The following EXOC6B variants were observed in gnomAD, a reference collection of about 807,000 sequenced individuals.
The protein encoded by EXOC6B is SEC15 homolog B.
EXOC6B carries 54 observed loss-of-function variants against 113.5 expected under a neutral mutation model. The ratio of observed to expected loss-of-function variants is 0.48; its 90% CI spans 0.38 to 0.60. The LOEUF is 0.60. Ranked by LOEUF, EXOC6B falls within the 20% of genes least tolerant of loss-of-function variation. The pLI, the probability that EXOC6B is intolerant of heterozygous loss-of-function variation, is 0.00. For missense variants in EXOC6B, 797 were observed against 977.5 expected (o/e 0.82, Z 2.46); for synonymous variants, 357 against 339.0 (o/e 1.05, Z -0.58).
chr2:72,815,040 G>A (rs531387700), intron 1 of EXOC6B, among the ~76,000 whole-genome samples: 1 of 152,298 alleles, frequency 6.6e-6, no homozygotes, highest in South Asian at 2.1e-4. Flanking sequence ...ACCTCTTTAT[G>A]ACTAAAATAA....
chr2:72,540,532 G>A (rs75082021), intron 8 of EXOC6B, among the ~76,000 whole-genome samples: 1,714 of 151,978 alleles, frequency 0.011, 46 homozygotes, highest in African/African-American at 0.04. Context: ...GTGCATTCCC[G>A]AGAATAGGAT....
chr2:72,525,563 A>G (rs1013361408), intron 8 of EXOC6B, among the ~76,000 whole-genome samples: 2 of 152,198 alleles, frequency 1.3e-5, no homozygotes, highest in Non-Finnish European at 2.9e-5. Context: ...TTTGGATTTC[A>G]CTTTTAAGAT....
chr2:72,604,219 T>C (rs530334314), intron 6 of EXOC6B, among the ~76,000 whole-genome samples: 1 of 152,278 alleles, frequency 6.6e-6, no homozygotes, highest in South Asian at 2.1e-4. Flanking sequence ...GAAATAAATC[T>C]CATACATGCC....
At chr2:72,582,322 G>A (rs1705275108) in intron 6 of EXOC6B, among the ~76,000 whole-genome samples, 2 of 151,812 alleles carry the variant, frequency 1.3e-5, no homozygotes, top group African/African-American at 4.8e-5. Context: ...GACCAGCCTG[G>A]GCAACATGGA....
intron 1 of EXOC6B, among the ~76,000 whole-genome samples, chr2:72,764,609 T>A (rs1433074019): frequency 3.3e-5 from 5 of 152,016 alleles, no homozygotes; most frequent in Non-Finnish European, 7.4e-5. Flanking sequence ...GCTCAACCAA[T>A]CCTGCCTCAG....
chr2:72,357,083 T>C (rs758846645), intron 19 of EXOC6B, among the ~76,000 whole-genome samples: 1 of 152,204 alleles, frequency 6.6e-6, no homozygotes, highest in Non-Finnish European at 1.5e-5. Flanking sequence ...TGTTGACTTC[T>C]GGAATTCTCT....
At chr2:72,593,256 T>C (rs1706089666) in intron 6 of EXOC6B, among the ~76,000 whole-genome samples, 1 of 152,128 alleles carries the variant, frequency 6.6e-6, no homozygotes, top group Non-Finnish European at 1.5e-5. Context: ...AAAGTATTTC[T>C]CTGAGTTCTG....
chr2:72,480,284 A>G (rs565375743), intron 17 of EXOC6B, among the ~76,000 whole-genome samples: 4 of 152,278 alleles, frequency 2.6e-5, no homozygotes, highest in Non-Finnish European at 5.9e-5. Flanking sequence ...AATGTCAGCC[A>G]TAACTATGAT....
At chr2:72,766,660 A>G (rs995831263) in intron 1 of EXOC6B, among the ~76,000 whole-genome samples, 7 of 152,114 alleles carry the variant, frequency 4.6e-5, no homozygotes, top group African/African-American at 1.4e-4. Flanking sequence ...CAATTGAAAA[A>G]ATCCACATTG....
chr2:72,407,804 C>A (rs1168553736), intron 18 of EXOC6B, among the ~76,000 whole-genome samples: 1 of 152,160 alleles, frequency 6.6e-6, no homozygotes, highest in Non-Finnish European at 1.5e-5. Flanking sequence ...AAAACTGGCA[C>A]AAGACAGGGA....
chr2:72,765,643 A>G (rs1683014441), intron 1 of EXOC6B, among the ~76,000 whole-genome samples: 1 of 152,226 alleles, frequency 6.6e-6, no homozygotes, highest in African/African-American at 2.4e-5. Context: ...ATTGCACTCC[A>G]GCATGGGTGA....
intron 6 of EXOC6B, among the ~76,000 whole-genome samples, chr2:72,677,760 C>G (rs1345446085): frequency 1.3e-5 from 2 of 152,188 alleles, no homozygotes; most frequent in Non-Finnish European, 2.9e-5. Context: ...TAAAAGAGTA[C>G]TCAACAGTGC....
In EXOC6B at chr2:72,373,350, TG is replaced by T. The variant is rs372442526; in HGVS notation, c.2122+6378del. Among the ~76,000 whole-genome samples, 817 of 152,218 alleles carry T rather than the reference TG, an allele frequency of 5.4e-3. 8 individuals carry two copies. The highest frequency in any genetic ancestry group is 0.019 in the African/African-American group (783 of 41,556). ...GATTATAGGCATGAGCCACCGTGCC[TG>T]GCCTGGGCAGACATTTCTTAATTAA... On this transcript the variant is annotated intron_variant, in intron 19 of 21. Transcript: ENST00000272427.
intron 1 of EXOC6B, among the ~76,000 whole-genome samples, chr2:72,762,611 A>T (rs1682809465): frequency 1.3e-5 from 2 of 152,256 alleles, no homozygotes; most frequent in South Asian, 4.1e-4. Context: ...GCAAAACCTT[A>T]GAAAATTTGT....
chr2:72,232,497 A>T (rs1467972562), intron 20 of EXOC6B, among the ~76,000 whole-genome samples: 1 of 152,218 alleles, frequency 6.6e-6, no homozygotes, highest in Admixed American at 6.5e-5. Context: ...GAAAATCTAG[A>T]TAAAGATAAA....
intron 5 of EXOC6B, among the ~76,000 whole-genome samples, chr2:72,729,347 C>T (rs1680497342): frequency 6.7e-6 from 1 of 150,016 alleles, no homozygotes; most frequent in Admixed American, 6.7e-5. Flanking sequence ...TTTCTTTACA[C>T]ATATATGAAT....
At position 72,514,676 on chromosome 2, in the gene EXOC6B, T is replaced by A. The variant is rs1296396585; in HGVS notation, c.1004A>T (p.Glu335Val). The change falls in exon 10 of 22, where the codon GAA (glutamate) becomes GTA (valine). Residue 335 changes from glutamate to valine, a missense_variant. Glu to Val is a moderately radical substitution (Grantham distance 121). Coordinates refer to ENST00000272427, the MANE Select transcript of EXOC6B (RefSeq NM_015189.3). ...LVLQPPSNMH[E>V]TLDGYRKYFN... is the part of the protein sequence containing the mutation. The stretch of plus-strand genomic sequence containing the variant: ...ATACTTCCTGTAGCCATCTAAAGTT[T>A]CATGCTGCAACAAAGCAAAGAAGAA... 7 of 1,472,302 alleles carry A rather than the reference T, an allele frequency of 4.8e-6. No homozygotes were observed. Among genetic ancestry groups the A allele is most frequent in the Non-Finnish European group, 5.5e-6 (6 of 1,095,248 alleles). The allele number at this position is 1,472,302 out of a possible 1,614,324, so 91.2% of individuals were successfully genotyped here. A position where few individuals can be genotyped will look rare whatever the true frequency, so the allele number is the denominator to read the frequency against.
intron 20 of EXOC6B, among the ~76,000 whole-genome samples, chr2:72,251,821 A>C (rs1455700755): frequency 2.0e-5 from 3 of 152,198 alleles, no homozygotes; most frequent in African/African-American, 7.2e-5. Context: ...CTTTTCATTT[A>C]ATGTTTAGCA....
intron 20 of EXOC6B, among the ~76,000 whole-genome samples, chr2:72,302,362 G>T (rs1686584480): frequency 6.6e-6 from 1 of 152,086 alleles, no homozygotes; most frequent in Non-Finnish European, 1.5e-5. Context: ...GATCCATTTG[G>T]TCTAATGTTG....
Sources: gnomAD v4.1 joint callset for allele counts (sites outside exome capture counted in the v4.1 genomes callset) on GRCh38, gnomAD v4.1.1 for gene constraint, MANE v1.5 for transcripts, NCBI Gene and HGNC (gene_info 2026-07-23, HGNC 2026-07-21) for gene names.